ROBO1: variants seen among roughly 807,000 people sequenced by gnomAD.
The protein encoded by ROBO1 is roundabout homolog 1.
In ROBO1, 149 loss-of-function variants were observed where a neutral mutation model predicts 195.9. The ratio of observed to expected loss-of-function variants is 0.76; its 90% CI spans 0.67 to 0.87. The LOEUF (loss-of-function observed/expected upper bound fraction) is 0.87. ROBO1 is among the 40% of genes least tolerant of loss of function. The pLI, the probability that ROBO1 is intolerant of heterozygous loss-of-function variation, is 0.00. For missense variants in ROBO1, 1,933 were observed against 2,068.3 expected, an observed-to-expected ratio of 0.93 and a Z score of 1.27; for synonymous variants, 816 against 733.2, an observed-to-expected ratio of 1.11 and a Z score of -1.82.
intron 4 of ROBO1, among the ~76,000 whole-genome samples, chr3:78,771,089 A>G (rs2083363257): frequency 6.6e-6 from 1 of 151,956 alleles, no homozygotes; most frequent in Non-Finnish European, 1.5e-5. Flanking sequence ...TCTGTAATCC[A>G]CCTTGAGTTA....
intron 2 of ROBO1, among the ~76,000 whole-genome samples, chr3:79,232,262 T>A (rs747280961): frequency 1.2e-3 from 165 of 142,366 alleles, no homozygotes; most frequent in East Asian, 7.2e-3. Flanking sequence ...AAAAAAAAAA[T>A]ATATATATAT....
chr3:78,799,620 C>T (rs761842769), intron 4 of ROBO1, among the ~76,000 whole-genome samples: 3 of 152,066 alleles, frequency 2.0e-5, no homozygotes, highest in South Asian at 2.1e-4. Flanking sequence ...GGATTACAGG[C>T]GTGAGCCACC....
intron 3 of ROBO1, among the ~76,000 whole-genome samples, chr3:79,071,369 G>A (rs1181052637): frequency 6.6e-6 from 1 of 150,832 alleles, no homozygotes; most frequent in African/African-American, 2.4e-5. Flanking sequence ...TTATATTTCT[G>A]TCTAGGTTTT....
intron 4 of ROBO1, among the ~76,000 whole-genome samples, chr3:78,762,780 A>AG: frequency 6.6e-6 from 1 of 152,208 alleles, no homozygotes; most frequent in South Asian, 2.1e-4. Flanking sequence ...TTTACTAATC[A>AG]AACTATGCTG....
chr3:79,350,342 T>C (rs747904560), intron 2 of ROBO1, among the ~76,000 whole-genome samples: 4 of 152,216 alleles, frequency 2.6e-5, no homozygotes, highest in Admixed American at 6.5e-5. Context: ...CACGCATTGC[T>C]AGTTGGATTG....
chr3:78,944,213 A>C (rs915430475), intron 3 of ROBO1, among the ~76,000 whole-genome samples: 2 of 152,228 alleles, frequency 1.3e-5, no homozygotes, highest in African/African-American at 4.8e-5. Context: ...GCTCTTTCCA[A>C]CTATTCCATA....
chr3:79,512,275 T>C (rs888828878), intron 2 of ROBO1, among the ~76,000 whole-genome samples: 2 of 152,004 alleles, frequency 1.3e-5, no homozygotes, highest in Admixed American at 6.5e-5. Context: ...ACCAAGATTT[T>C]ATTAACTATG....
intron 1 of ROBO1, among the ~76,000 whole-genome samples, chr3:79,673,863 G>GT (rs1236472052): frequency 6.6e-6 from 1 of 151,970 alleles, no homozygotes; most frequent in Non-Finnish European, 1.5e-5. Context: ...CTTAACACCA[G>GT]TGAGTGGATT....
intron 1 of ROBO1, among the ~76,000 whole-genome samples, chr3:79,662,482 A>G (rs868023500): frequency 6.6e-6 from 1 of 152,082 alleles, no homozygotes; most frequent in Non-Finnish European, 1.5e-5. Context: ...TCAAAAGGAC[A>G]GGGAAGGGGA....
chr3:79,253,943 A>T (rs1276419797), intron 2 of ROBO1, among the ~76,000 whole-genome samples: 2 of 152,194 alleles, frequency 1.3e-5, no homozygotes, highest in African/African-American at 4.8e-5. Context: ...GGGTTGCAAC[A>T]TGATTTAACG....
chr3:78,985,672 G>A (rs1390656236), intron 3 of ROBO1, among the ~76,000 whole-genome samples: 1 of 152,122 alleles, frequency 6.6e-6, no homozygotes, highest in Non-Finnish European at 1.5e-5. Flanking sequence ...AGATCCTGGT[G>A]GCAGAGTTGT....
At chr3:79,434,512 A>G (rs1246972739) in intron 2 of ROBO1, among the ~76,000 whole-genome samples, 5 of 152,240 alleles carry the variant, frequency 3.3e-5, no homozygotes, top group Admixed American at 6.5e-5. Flanking sequence ...CAAAACCACA[A>G]TGAGATACCA....
chr3:78,903,004 T>C (rs1280571315), intron 4 of ROBO1, among the ~76,000 whole-genome samples: 1 of 152,150 alleles, frequency 6.6e-6, no homozygotes, highest in Non-Finnish European at 1.5e-5. Context: ...TAGAAAAAGA[T>C]TTTGAAAAAT....
intron 4 of ROBO1, among the ~76,000 whole-genome samples, chr3:78,776,643 CAAGAACTACATTCACTAAGTA>C: frequency 6.6e-6 from 1 of 152,278 alleles, no homozygotes; most frequent in Non-Finnish European, 1.5e-5. Flanking sequence ...TTATTATTGG[CAAGAACTACATTCACTAAGTA>C]AAATTCCTAT....
intron 3 of ROBO1, among the ~76,000 whole-genome samples, chr3:79,052,925 T>C (rs1336649769): frequency 6.6e-6 from 1 of 152,072 alleles, no homozygotes; most frequent in Admixed American, 6.6e-5. Flanking sequence ...CTAAACATCA[T>C]GCTTATCTCT....
At chr3:78,955,791 C>A (rs1277450819) in intron 3 of ROBO1, among the ~76,000 whole-genome samples, 2 of 152,032 alleles carry the variant, frequency 1.3e-5, no homozygotes, top group Non-Finnish European at 2.9e-5. Flanking sequence ...TTTTAGAAAA[C>A]AAAATACTTA....
intron 2 of ROBO1, among the ~76,000 whole-genome samples, chr3:79,430,919 A>G (rs1479656895): frequency 1.3e-5 from 2 of 152,066 alleles, no homozygotes; most frequent in African/African-American, 4.8e-5. Context: ...ACTGGACCAA[A>G]TTTTTATTGT....
At chr3:79,746,688 G>A (rs184503236) in intron 1 of ROBO1, among the ~76,000 whole-genome samples, 64 of 151,888 alleles carry the variant, frequency 4.2e-4, no homozygotes, top group Admixed American at 3.8e-3. Flanking sequence ...TGAGATTTTA[G>A]TCCTAATATT....
chr3:78,832,660 G>C (rs530877609), intron 4 of ROBO1, among the ~76,000 whole-genome samples: 2 of 152,294 alleles, frequency 1.3e-5, no homozygotes, highest in Admixed American at 6.5e-5. Context: ...TTAATATCAG[G>C]AGTGTTGCTT....
Sources: allele counts gnomAD v4.1 joint callset (sites outside exome capture counted in the v4.1 genomes callset), GRCh38; gene constraint gnomAD v4.1.1; transcripts MANE v1.5; gene names NCBI Gene and HGNC (gene_info 2026-07-23, HGNC 2026-07-21).